BCHE: variants seen among roughly 807,000 people sequenced by gnomAD.
BCHE encodes the protein butyrylcholinesterase, also known as cholinesterase.
BCHE carries 48 observed loss-of-function variants against 51.3 expected under a neutral mutation model. The observed-to-expected ratio is 0.94, with a 90% CI of 0.74 to 1.19. The LOEUF (loss-of-function observed/expected upper bound fraction) is 1.19. Ranked by LOEUF, BCHE falls within the 50% of genes most tolerant of loss-of-function variation. BCHE has a pLI of 0.00. For missense variants in BCHE, 847 were observed against 708.2 expected (o/e 1.20, Z -2.23); for synonymous variants, 251 against 238.0 (o/e 1.05, Z -0.50).
rs774787910 is a variant in BCHE at position 165,830,589 on chromosome 3, C to T, written c.445G>A (p.Gly149Arg). The T allele has an allele frequency of 6.2e-7, 1 of 1,613,970 alleles. No individual in the cohort carries two copies. Among genetic ancestry groups the T allele is most frequent in the Non-Finnish European group, 8.5e-7 (1 of 1,179,938 alleles). Reference protein sequence around the residue: ...IWIYGGGFQTGTSSLHVYDGK... With the variant: ...IWIYGGGFQTRTSSLHVYDGK... ...TCATAAACATGTAAAGATGATGTTCCAGTTTGAAAACCACCACCATAAATC... is the reference window on the plus strand; with the variant it reads ...TCATAAACATGTAAAGATGATGTTCTAGTTTGAAAACCACCACCATAAATC... Residue 149 changes from glycine to arginine, a missense_variant, in exon 2 of 4, where the codon GGA (glycine) becomes AGA (arginine). By Grantham distance (125) the Gly-to-Arg change is moderately radical. Coordinates refer to ENST00000264381, the MANE Select transcript of BCHE (RefSeq NM_000055.4).
At chr3:165,795,735 C>T (rs1713350790) in intron 2 of BCHE, among the ~76,000 whole-genome samples, 1 of 152,084 alleles carries the variant, frequency 6.6e-6, no homozygotes, top group Admixed American at 6.5e-5. Context: ...ATTATAATAG[C>T]ATACCTTAGA....
chr3:165,801,258 T>C (rs765321577), intron 2 of BCHE, among the ~76,000 whole-genome samples: 43 of 152,220 alleles, frequency 2.8e-4, no homozygotes, highest in Admixed American at 1.9e-3. Context: ...TTTTGTTTCT[T>C]CTGTCCAAGG....
At chr3:165,800,697 T>A (rs1458216246) in intron 2 of BCHE, among the ~76,000 whole-genome samples, 1 of 152,110 alleles carries the variant, frequency 6.6e-6, no homozygotes, top group Non-Finnish European at 1.5e-5. Context: ...TAGTTTTCTG[T>A]TGATTTTTTA....
intron 2 of BCHE, among the ~76,000 whole-genome samples, chr3:165,815,759 T>C (rs1012657540): frequency 6.6e-5 from 10 of 152,232 alleles, no homozygotes; most frequent in African/African-American, 2.4e-4. Context: ...ATATTCATTA[T>C]ATTTTAACAG....
At chr3:165,827,292 C>T (rs971490198) in intron 2 of BCHE, among the ~76,000 whole-genome samples, 15 of 152,058 alleles carry the variant, frequency 9.9e-5, no homozygotes, top group African/African-American at 3.4e-4. Context: ...AATAAAATTA[C>T]TAAAATAACA....
At chr3:165,775,367 AT>A (rs1205977976) in intron 3 of BCHE, among the ~76,000 whole-genome samples, 1 of 151,846 alleles carries the variant, frequency 6.6e-6, no homozygotes, top group Non-Finnish European at 1.5e-5. Flanking sequence ...TATAATCACA[AT>A]TTTTTGGTGA....
At chr3:165,800,467 A>C (rs900275335) in intron 2 of BCHE, among the ~76,000 whole-genome samples, 1 of 152,066 alleles carries the variant, frequency 6.6e-6, no homozygotes, top group African/African-American at 2.4e-5. Flanking sequence ...ATATAATATT[A>C]AGCTCAAAAA....
chr3:165,780,349 G>A (rs550948687), intron 3 of BCHE, among the ~76,000 whole-genome samples: 1 of 152,258 alleles, frequency 6.6e-6, no homozygotes, highest in South Asian at 2.1e-4. Context: ...ACAAGGCATG[G>A]ACAAAGACTT....
In BCHE at chr3:165,829,441, T is replaced by C. The variant is rs1430685783; in HGVS notation, c.1517+76A>G. 9.7e-6 allele frequency: 12 copies of C among 1,235,762 alleles called. No homozygotes were observed. The East Asian group carries it at 2.3e-4, about 24-fold the overall frequency. 76.5% of individuals were successfully genotyped at this position (1,235,762 alleles called of 1,614,324 possible). ...ATTTCTGTGTCTTTATACTAAAGTCTACCCCAGAGACCAAGCAAAGCTAAG... is the reference window on the plus strand; with the variant it reads ...ATTTCTGTGTCTTTATACTAAAGTCCACCCCAGAGACCAAGCAAAGCTAAG... On this transcript the variant is annotated intron_variant, in intron 2 of 3. Transcript: ENST00000264381.
At chr3:165,812,586 A>G (rs1010805500) in intron 2 of BCHE, among the ~76,000 whole-genome samples, 2 of 151,954 alleles carry the variant, frequency 1.3e-5, no homozygotes, top group Admixed American at 6.6e-5. Context: ...TCTTGTTTGT[A>G]TTTAGAACTC....
Position 165,830,157 on chromosome 3 carries a change from T to G in BCHE, c.877A>C (p.Arg293=). The change falls in exon 2 of 4, where the codon AGA becomes CGA. Residue 293 remains arginine, a synonymous_variant. Transcript: ENST00000264381. ...ENETEIIKCL[R]NKDPQEILLN... is the part of the protein sequence containing the mutation. ...AGAATTTCTTGGGGATCTTTATTTC[T>G]AAGACACTTGATTATTTCAGTCTCA... is the stretch of plus-strand genomic sequence containing the variant. The G allele has an allele frequency of 6.2e-7, 1 of 1,613,992 alleles. No homozygotes were observed. Among genetic ancestry groups the G allele is most frequent in the Non-Finnish European group, 8.5e-7 (1 of 1,179,914 alleles).
intron 2 of BCHE, among the ~76,000 whole-genome samples, chr3:165,813,619 G>T (rs1016906295): frequency 4.6e-5 from 7 of 151,448 alleles, no homozygotes; most frequent in Non-Finnish European, 8.9e-5. Context: ...TTCTAGTCCA[G>T]AAAAGAAGGA....
At chr3:165,836,602 A>T (rs1352967484) in intron 1 of BCHE, among the ~76,000 whole-genome samples, 1 of 152,084 alleles carries the variant, frequency 6.6e-6, no homozygotes, top group African/African-American at 2.4e-5. Flanking sequence ...TAGTTTTACA[A>T]GATTATAGGA....
chr3:165,828,495 G>T (rs191518467), intron 2 of BCHE, among the ~76,000 whole-genome samples: 2 of 152,140 alleles, frequency 1.3e-5, no homozygotes, highest in East Asian at 3.9e-4. Context: ...GAAATACAAA[G>T]AATTCCAAAT....
chr3:165,797,141 C>T (rs1321696609), intron 2 of BCHE, among the ~76,000 whole-genome samples: 1 of 135,568 alleles, frequency 7.4e-6, no homozygotes, highest in South Asian at 2.6e-4. Flanking sequence ...TCCTTCCTTC[C>T]CTCCTTCCCT....
intron 2 of BCHE, among the ~76,000 whole-genome samples, chr3:165,799,615 A>G (rs1052483146): frequency 6.6e-6 from 1 of 152,144 alleles, no homozygotes; most frequent in South Asian, 2.1e-4. Flanking sequence ...CAGCACAACA[A>G]ATAAACATTG....
rs753381521 is a variant in BCHE at position 165,830,804 on chromosome 3, A to G, written c.230T>C (p.Leu77Pro). 1.2e-6 allele frequency: 2 copies of G among 1,613,914 alleles called. No homozygotes were observed. The highest frequency in any genetic ancestry group is 2.2e-5 in the South Asian group (2 of 91,076). ...GRLRFKKPQS[L>P]TKWSDIWNAT... ...ATTCCAAATATCAGACCACTTGGTCAGAGACTGTGGCTTTTTGAATCGAAG... is the reference window on the plus strand; with the variant it reads ...ATTCCAAATATCAGACCACTTGGTCGGAGACTGTGGCTTTTTGAATCGAAG... The change falls in exon 2 of 4, where the codon CTG (leucine) becomes CCG (proline). Residue 77 changes from leucine (L) to proline (P), a missense_variant. Coordinates refer to ENST00000264381, the MANE Select transcript of BCHE (RefSeq NM_000055.4).
At chr3:165,783,083 AT>A (rs1310359980) in intron 3 of BCHE, among the ~76,000 whole-genome samples, 2 of 151,894 alleles carry the variant, frequency 1.3e-5, no homozygotes, top group Non-Finnish European at 2.9e-5. Flanking sequence ...TTATACTGAT[AT>A]TTAATTAAGT....
At chr3:165,822,617 G>A (rs1714572641) in intron 2 of BCHE, among the ~76,000 whole-genome samples, 1 of 152,050 alleles carries the variant, frequency 6.6e-6, no homozygotes, top group African/African-American at 2.4e-5. Context: ...GGAAGGCTGT[G>A]TAACTGCACT....
Sources: gnomAD v4.1 joint callset for allele counts (sites outside exome capture counted in the v4.1 genomes callset) on GRCh38, gnomAD v4.1.1 for gene constraint, MANE v1.5 for transcripts, NCBI Gene and HGNC (gene_info 2026-07-23, HGNC 2026-07-21) for gene names.